Variants in BRINP1 observed in about 807,000 individuals in gnomAD.
BRINP1 encodes BMP/retinoic acid-inducible neural-specific protein 1.
Under a neutral mutation model 72.9 loss-of-function variants are expected in BRINP1, and 17 were observed. The observed-to-expected ratio is 0.23, with a 90% confidence interval of 0.16 to 0.35. The LOEUF (loss-of-function observed/expected upper bound fraction) is 0.35, where lower values mean the gene tolerates loss of function less well. Ranked by LOEUF, BRINP1 falls within the 10% of genes least tolerant of loss-of-function variation. The pLI, the probability that BRINP1 is intolerant of heterozygous loss-of-function variation, is 1.00. For synonymous variants in BRINP1, 418 were observed against 378.5 expected (o/e 1.10, Z -1.21); for missense variants, 850 against 1,001.6 (o/e 0.85, Z 2.04).
At chr9:119,360,449 C>T (rs1010123312) in intron 1 of BRINP1, among the ~76,000 whole-genome samples, 3 of 152,180 alleles carry the variant, frequency 2.0e-5, no homozygotes, top group Non-Finnish European at 2.9e-5. Context: ...TAAAGGGAAA[C>T]GTACGTACTT....
intron 2 of BRINP1, among the ~76,000 whole-genome samples, chr9:119,260,864 A>C (rs1252331965): frequency 6.6e-6 from 1 of 152,176 alleles, no homozygotes; most frequent in Non-Finnish European, 1.5e-5. Context: ...GAGATATTTG[A>C]TTTGATTACC....
intron 7 of BRINP1, among the ~76,000 whole-genome samples, chr9:119,186,266 C>T (rs1478838974): frequency 6.6e-6 from 1 of 152,166 alleles, no homozygotes; most frequent in Non-Finnish European, 1.5e-5. Context: ...GAAGCTTTGG[C>T]CAGGGAACAG....
At chr9:119,262,774 C>A (rs751049395) in intron 2 of BRINP1, among the ~76,000 whole-genome samples, 21 of 151,954 alleles carry the variant, frequency 1.4e-4, no homozygotes, top group Non-Finnish European at 2.5e-4. Context: ...AGTAATGATT[C>A]CTCTTTGAGT....
chr9:119,268,786 C>T (rs1006762853), intron 2 of BRINP1, among the ~76,000 whole-genome samples: 4 of 152,128 alleles, frequency 2.6e-5, no homozygotes, highest in African/African-American at 9.7e-5. Flanking sequence ...TAACTGTGCC[C>T]AGCACTTAGT....
At chr9:119,185,574 A>G (rs1829607997) in intron 7 of BRINP1, among the ~76,000 whole-genome samples, 1 of 152,228 alleles carries the variant, frequency 6.6e-6, no homozygotes, top group African/African-American at 2.4e-5. Context: ...AATTTTGACT[A>G]AAGTGACTAA....
Position 119,316,125 on chromosome 9 carries a change from C to T in BRINP1, c.-50-2720G>A, listed in dbSNP as rs545045434. On this transcript the variant is annotated intron_variant, in intron 1 of 7. Coordinates refer to ENST00000265922, the MANE Select transcript of BRINP1 (RefSeq NM_014618.3). ...TTTTGGAGACAGGGTCTTGCTCTGT[C>T]GCCTAGCCTGGAGTGCGGTGGTGCA... is the stretch of plus-strand genomic sequence containing the variant. 6.6e-5 allele frequency among the ~76,000 whole-genome samples: 10 copies of T among 152,266 alleles called. No homozygotes were observed. In the South Asian group the frequency reaches 1.0e-3, roughly 16 times the overall value.
intron 2 of BRINP1, among the ~76,000 whole-genome samples, chr9:119,311,398 T>C (rs1301312135): frequency 6.6e-6 from 1 of 152,142 alleles, no homozygotes; most frequent in Non-Finnish European, 1.5e-5. Context: ...GTTTTAGGAG[T>C]AGAATCCAAA....
At chr9:119,332,183 C>T (rs970995195) in intron 1 of BRINP1, among the ~76,000 whole-genome samples, 9 of 152,328 alleles carry the variant, frequency 5.9e-5, no homozygotes, top group Middle Eastern at 6.8e-3. Context: ...CGTCACCACT[C>T]CGAGGATCTA....
At chr9:119,220,969 AT>A (rs1830035139) in intron 5 of BRINP1, among the ~76,000 whole-genome samples, 1 of 152,028 alleles carries the variant, frequency 6.6e-6, no homozygotes, top group Admixed American at 6.5e-5. Flanking sequence ...GGTAAGCTTT[AT>A]TTTGTTTTAT....
chr9:119,290,418 T>C (rs1410207907), intron 2 of BRINP1, among the ~76,000 whole-genome samples: 3 of 152,206 alleles, frequency 2.0e-5, no homozygotes, highest in Non-Finnish European at 2.9e-5. Flanking sequence ...TGAAGAATAG[T>C]GTAGTGGCTA....
intron 1 of BRINP1, among the ~76,000 whole-genome samples, chr9:119,320,750 T>C (rs771513077): frequency 7.2e-5 from 11 of 152,194 alleles, no homozygotes; most frequent in Admixed American, 2.0e-4. Context: ...TGCTCGGCTA[T>C]AATCAGAAGT....
intron 7 of BRINP1, among the ~76,000 whole-genome samples, chr9:119,193,812 T>A (rs1312861081): frequency 6.6e-6 from 1 of 152,202 alleles, no homozygotes; most frequent in Non-Finnish European, 1.5e-5. Context: ...AGACAACAGG[T>A]CTATGTACTC....
chr9:119,367,696 C>A (rs1831709589), intron 1 of BRINP1, among the ~76,000 whole-genome samples: 1 of 152,164 alleles, frequency 6.6e-6, no homozygotes, highest in Non-Finnish European at 1.5e-5. Flanking sequence ...ATTTTGGAGC[C>A]AAGTGAGAGA....
intron 7 of BRINP1, among the ~76,000 whole-genome samples, chr9:119,206,746 C>T (rs558065355): frequency 2.6e-5 from 4 of 152,298 alleles, no homozygotes; most frequent in South Asian, 2.1e-4. Flanking sequence ...CAGCACTGTT[C>T]GCTGTGTGCA....
intron 2 of BRINP1, among the ~76,000 whole-genome samples, chr9:119,288,200 G>A (rs1830786230): frequency 6.6e-6 from 1 of 152,144 alleles, no homozygotes; most frequent in African/African-American, 2.4e-5. Context: ...TTCACCTGAA[G>A]AGATTCATTT....
At chr9:119,335,355 T>C (rs1831336957) in intron 1 of BRINP1, among the ~76,000 whole-genome samples, 1 of 152,206 alleles carries the variant, frequency 6.6e-6, no homozygotes, top group African/African-American at 2.4e-5. Context: ...TCAGTTAGTC[T>C]GTGCAGAAAG....
chr9:119,234,755 C>T (rs1830178009), intron 5 of BRINP1, among the ~76,000 whole-genome samples: 1 of 152,006 alleles, frequency 6.6e-6, no homozygotes, highest in African/African-American at 2.4e-5. Context: ...TTTGTTTTGC[C>T]TTCCACTAGG....
chr9:119,297,560 CTA>C (rs1830893308), intron 2 of BRINP1, among the ~76,000 whole-genome samples: 1 of 152,198 alleles, frequency 6.6e-6, no homozygotes, highest in Non-Finnish European at 1.5e-5. Context: ...CTTAATAGAG[CTA>C]TATAAGCTTT....
intron 7 of BRINP1, among the ~76,000 whole-genome samples, chr9:119,175,481 T>G (rs967331022): frequency 3.9e-5 from 6 of 152,030 alleles, no homozygotes; most frequent in Non-Finnish European, 7.4e-5. Context: ...GTAACAAACC[T>G]GCACGTTCTG....
Sources: allele counts gnomAD v4.1 joint callset (sites outside exome capture counted in the v4.1 genomes callset), GRCh38; gene constraint gnomAD v4.1.1; transcripts MANE v1.5; gene names NCBI Gene and HGNC (gene_info 2026-07-23, HGNC 2026-07-21).